SCN7A: variants seen among roughly 807,000 people sequenced by gnomAD.
The protein encoded by SCN7A is sodium voltage-gated channel alpha subunit 7.
SCN7A carries 138 observed loss-of-function variants against 155.2 expected under a neutral mutation model. The ratio of observed to expected loss-of-function variants is 0.89; its 90% confidence interval spans 0.77 to 1.02. The LOEUF (loss-of-function observed/expected upper bound fraction) is 1.02. Among genes scored for constraint, SCN7A ranks in the 50% least tolerant of loss-of-function variants. The probability of loss-of-function intolerance (pLI) is 0.00; values close to 1 mark genes in which losing one functional copy is unlikely to be tolerated. For missense variants in SCN7A, 2,058 were observed against 1,986.6 expected, an observed-to-expected ratio of 1.04 and a Z score of -0.68; for synonymous variants, 693 against 649.0, an observed-to-expected ratio of 1.07 and a Z score of -1.03.
chr2:166,441,366 A>G (rs752459964), intron 15 of SCN7A, 30 bp downstream of exon 15: 4 of 1,475,916 alleles, frequency 2.7e-6, no homozygotes, highest in Non-Finnish European at 3.7e-6. Flanking sequence ...ACCAGTTTTC[A>G]TGGAAAATGT....
chr2:166,491,452 C>T (rs35534711), intron 1 of SCN7A, among the ~76,000 whole-genome samples: 18,968 of 151,984 alleles, frequency 0.12, 1,312 homozygotes, highest in Middle Eastern at 0.16. Flanking sequence ...AAGAAGATGG[C>T]GCCTCATTTG....
chr2:166,465,649 C>T, intron 8 of SCN7A, 118 bp from the exon 9 acceptor site: 1 of 1,252,184 alleles, frequency 8.0e-7, no homozygotes, highest in Admixed American at 2.0e-5. Context: ...AAGAAAAGAG[C>T]AAATATCCTT....
Position 166,409,882 on chromosome 2 carries a change from G to A in SCN7A, c.3765C>T (p.Val1255=), listed in dbSNP as rs1398501348. Residue 1255 remains valine (V), a synonymous_variant, in exon 25 of 26, where the codon GTC becomes GTT. Coordinates refer to ENST00000643258, the MANE Select transcript of SCN7A (RefSeq NM_002976.4). ...GGAAACATATAAGAACCATAACAAT[G>A]ACATTAAAAGCTTGGCTTGTTACCA... is the stretch of plus-strand genomic sequence containing the variant. The part of the protein sequence containing the change: ...FDVVTSQAFN[V]IVMVLICFQA... 6.4e-7 allele frequency: 1 copy of A among 1,568,040 alleles called. No individual in the cohort carries two copies. The highest frequency in any genetic ancestry group is 1.9e-5 in the Admixed American group (1 of 53,512).
At position 166,406,399 on chromosome 2, in the gene SCN7A, T is replaced by C; in HGVS notation, c.4230A>G (p.Gly1410=). The C allele has an allele frequency of 6.2e-7, 1 of 1,613,020 alleles. No individual in the cohort carries two copies. Among genetic ancestry groups the C allele is most frequent in the African/African-American group, 1.3e-5 (1 of 74,950 alleles). Residue 1410 remains glycine, a synonymous_variant, in exon 26 of 26, where the codon GGA becomes GGG. Coordinates refer to ENST00000643258, the MANE Select transcript of SCN7A (RefSeq NM_002976.4). ...YNFAYVKKEA[G]INDVSNFETF... ...TTTCAAAATTAGACACATCATTAAT[T>C]CCAGCTTCTTTTTTAACATAGGCAA... is the stretch of plus-strand genomic sequence containing the variant.
chr2:166,459,084 T>C (rs1161732723), intron 10 of SCN7A, among the ~76,000 whole-genome samples: 1 of 152,190 alleles, frequency 6.6e-6, no homozygotes, highest in African/African-American at 2.4e-5. Flanking sequence ...CATCCATGAA[T>C]ACTGAAGGAT....
intron 7 of SCN7A, among the ~76,000 whole-genome samples, chr2:166,466,242 T>C (rs1208883363): frequency 1.3e-5 from 2 of 152,180 alleles, no homozygotes; most frequent in Non-Finnish European, 1.5e-5. Flanking sequence ...TTTGTTTCTC[T>C]TTACAAAGAA....
At position 166,439,055 on chromosome 2, in the gene SCN7A, G is replaced by GTATATATATATA. The variant is rs66783423; in HGVS notation, c.2157+2329_2157+2340dup. On this transcript the variant is annotated intron_variant, in intron 15 of 25. Transcript: ENST00000643258. The stretch of plus-strand genomic sequence containing the variant: ...CACATACATATATGTGTGTGTGTGT[G>GTATATATATATA]TATATATATATATATATATATATAG... 1.8e-3 allele frequency among the ~76,000 whole-genome samples: 204 copies of GTATATATATATA among 113,384 alleles called. 4 individuals carry two copies. Among genetic ancestry groups the GTATATATATATA allele is most frequent in the African/African-American group, 7.1e-3 (190 of 26,586 alleles). The allele number at this position is 113,384 out of a possible 152,430, so 74.4% of individuals were successfully genotyped here. A position where few individuals can be genotyped will look rare whatever the true frequency, so the allele number is the denominator to read the frequency against.
chr2:166,488,157 T>C lies in SCN7A; in HGVS notation c.-127-1189A>G, dbSNP rs186812693. ...TAGCAATTTAGTGACCAACTTATAT[T>C]GACATTTTTATTGGTTTGGGCAACT... On this transcript the variant is annotated intron_variant, in intron 1 of 25. Coordinates refer to ENST00000643258, the MANE Select transcript of SCN7A (RefSeq NM_002976.4). Among the ~76,000 whole-genome samples, 295 of 152,334 alleles carry C rather than the reference T, an allele frequency of 1.9e-3. 1 individual carries two copies. Among genetic ancestry groups the C allele is most frequent in the African/African-American group, 6.6e-3 (275 of 41,580 alleles).
At chr2:166,433,229 G>T (rs1575021946) in intron 15 of SCN7A, among the ~76,000 whole-genome samples, 1 of 152,136 alleles carries the variant, frequency 6.6e-6, no homozygotes, top group African/African-American at 2.4e-5. Flanking sequence ...ACCATGTGAA[G>T]TAATGCATTT....
intron 21 of SCN7A, among the ~76,000 whole-genome samples, chr2:166,414,271 C>CACATAT (rs1701301156): frequency 2.9e-4 from 8 of 27,752 alleles, no homozygotes; most frequent in Non-Finnish European, 5.8e-4. Flanking sequence ...TATACACACA[C>CACATAT]ATATATATAT....
chr2:166,473,717 C>A, intron 5 of SCN7A, 82 bp downstream of exon 5: 1 of 321,404 alleles, frequency 3.1e-6, no homozygotes, highest in South Asian at 8.6e-5. Flanking sequence ...TATCATAATT[C>A]AATGTTATTA....
At chr2:166,416,549 G>T (rs1250399156) in intron 21 of SCN7A, among the ~76,000 whole-genome samples, 158 bp downstream of exon 21, 1 of 152,084 alleles carries the variant, frequency 6.6e-6, no homozygotes, top group East Asian at 1.9e-4. Context: ...TATTTGGGAT[G>T]GGTTCCCCCG....
intron 11 of SCN7A, among the ~76,000 whole-genome samples, chr2:166,450,664 C>A (rs925586770): frequency 1.3e-5 from 2 of 151,750 alleles, no homozygotes; most frequent in Non-Finnish European, 2.9e-5. Flanking sequence ...TGTGTTAGGG[C>A]GCGCCTATAG....
chr2:166,490,858 T>C (rs1575073565), intron 1 of SCN7A, among the ~76,000 whole-genome samples: 1 of 152,200 alleles, frequency 6.6e-6, no homozygotes. Context: ...ACCAAACATA[T>C]AGATGTCCAT....
chr2:166,474,734 A>G (rs1374011736), intron 3 of SCN7A, among the ~76,000 whole-genome samples: 2 of 151,712 alleles, frequency 1.3e-5, no homozygotes, highest in Non-Finnish European at 1.5e-5. Flanking sequence ...TAAAAGTTCG[A>G]TTTTATTTCA....
chr2:166,474,869 C>G (rs1384449141), intron 3 of SCN7A, among the ~76,000 whole-genome samples: 1 of 151,162 alleles, frequency 6.6e-6, no homozygotes. Context: ...ATACATATAT[C>G]TAAACCAGAA....
chr2:166,493,649 G>A (rs1272420969), intron 1 of SCN7A, among the ~76,000 whole-genome samples: 1 of 152,172 alleles, frequency 6.6e-6, no homozygotes, highest in Non-Finnish European at 1.5e-5. Flanking sequence ...ATTGTACCAT[G>A]TAATGTAAGT....
intron 18 of SCN7A, among the ~76,000 whole-genome samples, chr2:166,424,171 G>T (rs1295349268): frequency 5.9e-5 from 9 of 151,942 alleles, no homozygotes; most frequent in Non-Finnish European, 1.5e-5. Flanking sequence ...AATAACAATA[G>T]ATTTTATGAC....
At chr2:166,452,520 A>G (rs981951463) in intron 11 of SCN7A, among the ~76,000 whole-genome samples, 2 of 152,200 alleles carry the variant, frequency 1.3e-5, no homozygotes, top group Admixed American at 1.3e-4. Flanking sequence ...AACTCTTTAT[A>G]TCCAGTGCTT....
Sources: allele counts gnomAD v4.1 joint callset (sites outside exome capture counted in the v4.1 genomes callset), GRCh38; gene constraint gnomAD v4.1.1; transcripts MANE v1.5; gene names NCBI Gene and HGNC (gene_info 2026-07-23, HGNC 2026-07-21).